PRRX2: variants seen among roughly 807,000 people sequenced by gnomAD.
The protein encoded by PRRX2 is paired mesoderm homeobox protein 2.
In PRRX2, 11 loss-of-function variants were observed where a neutral mutation model predicts 18.0. The observed-to-expected ratio is 0.61, with a 90% confidence interval of 0.39 to 1.01. The LOEUF (loss-of-function observed/expected upper bound fraction) is 1.01. Among genes scored for constraint, PRRX2 ranks in the 50% least tolerant of loss-of-function variants. PRRX2 has a pLI of 0.01. For synonymous variants in PRRX2, 177 were observed against 154.8 expected, an observed-to-expected ratio of 1.14 and a Z score of -1.06; for missense variants, 387 against 351.0, an observed-to-expected ratio of 1.10 and a Z score of -0.82.
Position 129,722,446 on chromosome 9 carries a change from T to A in PRRX2, c.*94T>A. 1 of 1,457,014 alleles carries A rather than the reference T, an allele frequency of 6.9e-7. No individual in the cohort carries two copies. The highest frequency in any genetic ancestry group is 1.4e-5 in the South Asian group (1 of 73,926). The allele number at this position is 1,457,014 out of a possible 1,614,324, so 90.3% of individuals were successfully genotyped here. A position where few individuals can be genotyped will look rare whatever the true frequency, so the allele number is the denominator to read the frequency against. ...GGAAGTGACCTTCTCCTGGATGAGC[T>A]CTCCTGGCCCGTCTGTCCAGCCTGG... On this transcript the variant is annotated 3_prime_UTR_variant, in exon 4 of 4. Coordinates refer to ENST00000372469, the MANE Select transcript of PRRX2 (RefSeq NM_016307.4).
intron 1 of PRRX2, among the ~76,000 whole-genome samples, chr9:129,704,872 T>G (rs1461549250): frequency 6.6e-6 from 1 of 152,162 alleles, no homozygotes; most frequent in Non-Finnish European, 1.5e-5. Flanking sequence ...GGCTCTGGGC[T>G]TTAGGAGGCC....
intron 1 of PRRX2, among the ~76,000 whole-genome samples, chr9:129,672,544 T>C (rs1344716852): frequency 6.6e-6 from 1 of 152,172 alleles, no homozygotes; most frequent in Non-Finnish European, 1.5e-5. Context: ...TGACCAGGGA[T>C]GTCCACACCC....
intron 1 of PRRX2, among the ~76,000 whole-genome samples, chr9:129,717,588 C>T (rs1037144588): frequency 5.3e-5 from 8 of 150,198 alleles, no homozygotes; most frequent in African/African-American, 1.7e-4. Context: ...CCCAGCTACT[C>T]GAGAGGCTGA....
In PRRX2 at chr9:129,671,562, C is replaced by T. The variant is rs1832100840; in HGVS notation, c.259+5436C>T. On this transcript the variant is annotated intron_variant, in intron 1 of 3. Coordinates refer to ENST00000372469, the MANE Select transcript of PRRX2 (RefSeq NM_016307.4). This position sits in a 1 kb window ranked among gnomAD's most constrained non-coding sequence, Gnocchi z 4.0. ...GCCGGCTTACACACCTCCCTTGAGG[C>T]CTGAAAAGAACCCTGCGAGTCAGTG... 6.6e-6 allele frequency among the ~76,000 whole-genome samples: 1 copy of T among 152,190 alleles called. No homozygotes were observed. The highest frequency in any genetic ancestry group is 2.4e-5 in the African/African-American group (1 of 41,446).
intron 1 of PRRX2, among the ~76,000 whole-genome samples, chr9:129,712,443 A>G (rs1832636549): frequency 2.0e-5 from 3 of 152,188 alleles, no homozygotes; most frequent in Admixed American, 6.5e-5. Flanking sequence ...ATTACACGGA[A>G]TAAGAAAAAC....
At chr9:129,685,348 CTGTT>C (rs950125718) in intron 1 of PRRX2, among the ~76,000 whole-genome samples, 16 of 152,236 alleles carry the variant, frequency 1.1e-4, no homozygotes, top group Admixed American at 2.6e-4. Context: ...ATTTCACTCA[CTGTT>C]TGTTCATTTC....
chr9:129,683,938 G>A (rs1030992906), intron 1 of PRRX2, among the ~76,000 whole-genome samples: 5 of 152,146 alleles, frequency 3.3e-5, no homozygotes, highest in African/African-American at 1.2e-4. Flanking sequence ...TCCTGTACAA[G>A]GCTATGGCTA....
intron 1 of PRRX2, among the ~76,000 whole-genome samples, chr9:129,677,211 C>T (rs1006273033): frequency 1.3e-5 from 2 of 152,270 alleles, no homozygotes; most frequent in African/African-American, 2.4e-5. Flanking sequence ...TTACCATCTG[C>T]CAGTCTCCGA....
At chr9:129,680,755 C>T (rs1832218448) in intron 1 of PRRX2, among the ~76,000 whole-genome samples, 1 of 152,212 alleles carries the variant, frequency 6.6e-6, no homozygotes, top group African/African-American at 2.4e-5. Context: ...TGCCTGGCGA[C>T]CTGGGATCCC....
intron 1 of PRRX2, among the ~76,000 whole-genome samples, chr9:129,667,110 T>C (rs1832035984): frequency 1.3e-5 from 2 of 152,330 alleles, no homozygotes; most frequent in African/African-American, 4.8e-5. Context: ...TCTGAATCCA[T>C]GTGCGTCCAC....
chr9:129,686,215 C>T (rs1832297586), intron 1 of PRRX2, among the ~76,000 whole-genome samples: 1 of 152,128 alleles, frequency 6.6e-6, no homozygotes, highest in African/African-American at 2.4e-5. Context: ...ATGTAGGCTC[C>T]CCTTCTGGTG....
chr9:129,678,125 G>A (rs1244480549), intron 1 of PRRX2, among the ~76,000 whole-genome samples: 5 of 151,460 alleles, frequency 3.3e-5, no homozygotes, highest in Admixed American at 1.3e-4. Flanking sequence ...CACCATGCCT[G>A]GCACATTTTT....
chr9:129,682,445 T>A (rs770767361), intron 1 of PRRX2, among the ~76,000 whole-genome samples: 1 of 152,030 alleles, frequency 6.6e-6, no homozygotes, highest in Non-Finnish European at 1.5e-5. Context: ...AGGACGCTCA[T>A]CTCCCTAGCA....
At chr9:129,710,805 C>T (rs1832609058) in intron 1 of PRRX2, among the ~76,000 whole-genome samples, 1 of 152,118 alleles carries the variant, frequency 6.6e-6, no homozygotes, top group East Asian at 1.9e-4. Flanking sequence ...GGCTGCACTC[C>T]TGGGGTTGGA....
chr9:129,714,732 A>G (rs1832680827), intron 1 of PRRX2, among the ~76,000 whole-genome samples: 2 of 152,212 alleles, frequency 1.3e-5, no homozygotes, highest in Admixed American at 6.5e-5. Context: ...CTTACTCGGC[A>G]AGGCGAAGGC....
chr9:129,700,949 C>A (rs1832487080), intron 1 of PRRX2, among the ~76,000 whole-genome samples: 1 of 152,192 alleles, frequency 6.6e-6, no homozygotes, highest in African/African-American at 2.4e-5. Context: ...CTGGCCTGTT[C>A]TGACCAACTT....
At chr9:129,720,376 C>T (rs2130937954) in intron 2 of PRRX2, among the ~76,000 whole-genome samples, 1 of 152,336 alleles carries the variant, frequency 6.6e-6, no homozygotes, top group Middle Eastern at 3.4e-3. Flanking sequence ...TTCTCCAACA[C>T]ATTCTCCATT....
intron 1 of PRRX2, among the ~76,000 whole-genome samples, chr9:129,694,447 A>T (rs138807801): frequency 0.012 from 1,830 of 152,302 alleles, 31 homozygotes; most frequent in African/African-American, 0.041. Context: ...GGCCTCCCAC[A>T]GTGCTGGGAT....
intron 1 of PRRX2, among the ~76,000 whole-genome samples, chr9:129,672,188 A>G (rs1216465704): frequency 5.3e-5 from 8 of 152,174 alleles, no homozygotes; most frequent in African/African-American, 1.9e-4. Flanking sequence ...ATACCCTTAC[A>G]GCAGTGTACC....
Sources: allele counts gnomAD v4.1 joint callset (sites outside exome capture counted in the v4.1 genomes callset), GRCh38; gene constraint gnomAD v4.1.1; non-coding constraint Gnocchi (gnomAD v3.1); transcripts MANE v1.5; gene names NCBI Gene and HGNC (gene_info 2026-07-23, HGNC 2026-07-21).